The following ZNF442 variants were observed in gnomAD, a reference collection of about 807,000 sequenced individuals.
The protein encoded by ZNF442 is zinc finger protein 442.
In ZNF442, 45 loss-of-function variants were observed where a neutral mutation model predicts 57.0. The ratio of observed to expected loss-of-function variants is 0.79; its 90% CI spans 0.62 to 1.01. ZNF442 has a LOEUF of 1.01. Ranked by LOEUF, ZNF442 falls within the 50% of genes least tolerant of loss-of-function variation. The probability of loss-of-function intolerance (pLI) is 0.00; values close to 1 mark genes in which losing one functional copy is unlikely to be tolerated. For synonymous variants in ZNF442, 213 were observed against 241.8 expected (o/e 0.88, Z 1.10); for missense variants, 690 against 756.5 (o/e 0.91, Z 1.03).
At chr19:12,363,193 T>C (rs1969467635) in intron 3 of ZNF442, among the ~76,000 whole-genome samples, 1 of 148,720 alleles carries the variant, frequency 6.7e-6, no homozygotes, top group East Asian at 2.0e-4. Context: ...AATAGATGGC[T>C]ACATATGTGA....
Position 12,346,127 on chromosome 19 carries a change from T to C in ZNF442, c.*3574A>G, listed in dbSNP as rs1262666495. 6.6e-6 allele frequency: 1 copy of C among 152,070 alleles called. No individual in the cohort carries two copies. Among genetic ancestry groups the C allele is most frequent in the Non-Finnish European group, 1.5e-5 (1 of 68,014 alleles). 9.4% of individuals were successfully genotyped at this position (152,070 alleles called of 1,614,324 possible). A position where few individuals can be genotyped will look rare whatever the true frequency, so the allele number is the denominator to read the frequency against. The stretch of plus-strand genomic sequence containing the variant: ...TATCACATATCAAATAAGGGCTTAA[T>C]ACCCACAGTGTATAAAGAATTCCTA... On this transcript the variant is annotated 3_prime_UTR_variant, in exon 6 of 6. Coordinates refer to ENST00000242804, the MANE Select transcript of ZNF442 (RefSeq NM_030824.3).
intron 3 of ZNF442, among the ~76,000 whole-genome samples, chr19:12,360,383 G>A (rs1159458022): frequency 6.6e-6 from 1 of 152,134 alleles, no homozygotes; most frequent in Non-Finnish European, 1.5e-5. Flanking sequence ...TTCTCCCATG[G>A]CTGGAGTGAT....
In ZNF442 at chr19:12,365,668, G is replaced by T; in HGVS notation, c.-618C>A. On this transcript the variant is annotated 5_prime_UTR_variant, in exon 1 of 6. Transcript: ENST00000242804. ...CAGAGCCAGGAGCGGGAGCTCAGAG[G>T]GGTGTAGAAAGCTCCACCCTCCTCC... 4.5e-6 allele frequency: 1 copy of T among 221,050 alleles called. No homozygotes were observed. The highest frequency in any genetic ancestry group is 9.2e-6 in the Non-Finnish European group (1 of 108,184). The allele number at this position is 221,050 out of a possible 1,614,324, so 13.7% of individuals were successfully genotyped here. A position where few individuals can be genotyped will look rare whatever the true frequency, so the allele number is the denominator to read the frequency against.
intron 4 of ZNF442, among the ~76,000 whole-genome samples, chr19:12,352,760 T>C (rs1300749896): frequency 1.3e-5 from 2 of 152,210 alleles, no homozygotes; most frequent in African/African-American, 4.8e-5. Flanking sequence ...ATGTGTTAAT[T>C]GATTGTTTTT....
At chr19:12,364,356 G>A (rs572362948) in intron 2 of ZNF442, among the ~76,000 whole-genome samples, 7 of 145,854 alleles carry the variant, frequency 4.8e-5, no homozygotes, top group Admixed American at 2.1e-4. Flanking sequence ...GCGGTGAGCC[G>A]ACATCGCACC....
At chr19:12,368,256 C>T (rs778417339), upstream of ZNF442, among the ~76,000 whole-genome samples, 6 of 152,082 alleles carry the variant, frequency 3.9e-5, no homozygotes, top group Admixed American at 6.5e-5. Flanking sequence ...ACATCCTTAG[C>T]TTACGAAGAT....
At chr19:12,359,275 T>C (rs970188372) in intron 3 of ZNF442, among the ~76,000 whole-genome samples, 2 of 152,218 alleles carry the variant, frequency 1.3e-5, no homozygotes, top group Admixed American at 1.3e-4. Context: ...GCTGATAATG[T>C]TGAATTTTAC....
upstream of ZNF442, among the ~76,000 whole-genome samples, chr19:12,366,601 A>G (rs1969533979): frequency 6.6e-6 from 1 of 151,908 alleles, no homozygotes. Flanking sequence ...CCTTTCCCAT[A>G]CTACACTGCC....
the ZNF442 span, among the ~76,000 whole-genome samples, chr19:12,373,228 A>G: frequency 6.6e-6 from 1 of 152,136 alleles, no homozygotes; most frequent in African/African-American, 2.4e-5. Context: ...AAACATAGAC[A>G]GATGCTGCAC....
At chr19:12,363,798 C>T (rs894521414) in intron 2 of ZNF442, 127 bp from the exon 3 acceptor site, 3 of 616,720 alleles carry the variant, frequency 4.9e-6, no homozygotes, top group Admixed American at 5.3e-5. Context: ...ACCCCAACAC[C>T]TCAGGCTGCT....
At chr19:12,366,640 A>AT (rs779161239), upstream of ZNF442, among the ~76,000 whole-genome samples, 4 of 151,600 alleles carry the variant, frequency 2.6e-5, no homozygotes, top group Non-Finnish European at 4.4e-5. Flanking sequence ...TTTTTATTTT[A>AT]TTTTTTTGGA....
upstream of ZNF442, among the ~76,000 whole-genome samples, chr19:12,368,442 G>A (rs191099994): frequency 1.2e-4 from 18 of 152,278 alleles, no homozygotes; most frequent in East Asian, 2.7e-3. Context: ...CCATGAAATC[G>A]TCACAATTTA....
intron 3 of ZNF442, among the ~76,000 whole-genome samples, chr19:12,354,798 T>G (rs1262402144): frequency 6.6e-6 from 1 of 152,232 alleles, no homozygotes; most frequent in African/African-American, 2.4e-5. Flanking sequence ...CTTCATTATT[T>G]TCTTATTAAC....
At chr19:12,373,072 G>A in the ZNF442 span, among the ~76,000 whole-genome samples, 9 of 151,946 alleles carry the variant, frequency 5.9e-5, no homozygotes, top group Non-Finnish European at 1.0e-4. Flanking sequence ...GCACCCAGCC[G>A]GATCTGAGTT....
At position 12,351,229 on chromosome 19, in the gene ZNF442, C is replaced by A. The variant is rs765789723; in HGVS notation, c.356G>T (p.Ser119Ile). 1.9e-6 allele frequency: 3 copies of A among 1,614,174 alleles called. No homozygotes were observed. The South Asian group carries it at 3.3e-5, about 18-fold the overall frequency. ...KPPGVDPCKS[S>I]VCGEIMGCSF... ...ACAACCCATGATTTCTCCACACACA[C>A]TGCTTTTACATGGATCTACTCCAGG... The change falls in exon 6 of 6, where the codon AGT becomes ATT. Residue 119 changes from serine to isoleucine, a missense_variant. Coordinates refer to ENST00000242804, the MANE Select transcript of ZNF442 (RefSeq NM_030824.3).
In ZNF442 at chr19:12,352,079, T is replaced by C; in HGVS notation, c.206-9A>G. On this transcript the variant is annotated splice_polypyrimidine_tract_variant and intron_variant, in intron 4 of 5. Coordinates refer to ENST00000242804, the MANE Select transcript of ZNF442 (RefSeq NM_030824.3). ...GTCTTCCCATTTCATTCCTAAAAGG[T>C]GGACACAGAAAAAACACTGTAGATT... is the stretch of plus-strand genomic sequence containing the variant. 2 of 1,612,114 alleles carry C rather than the reference T, an allele frequency of 1.2e-6. No individual in the cohort carries two copies. The highest frequency in any genetic ancestry group is 1.3e-5 in the African/African-American group (1 of 74,894).
intron 2 of ZNF442, among the ~76,000 whole-genome samples, 199 bp downstream of exon 2, chr19:12,364,603 C>T (rs1969499836): frequency 6.6e-6 from 1 of 151,862 alleles, no homozygotes. Flanking sequence ...TTACTACCAC[C>T]CCTAGGAGGA....
chr19:12,362,001 C>G lies in ZNF442; in HGVS notation c.78+1553G>C, dbSNP rs538526359. ...CCTCCCGAGGTGCAGGGATTGCAGACGGAGTCTCGTTCACTCAGTGCTCAA... is the reference window on the plus strand; with the variant it reads ...CCTCCCGAGGTGCAGGGATTGCAGAGGGAGTCTCGTTCACTCAGTGCTCAA... On this transcript the variant is annotated intron_variant, in intron 3 of 5. Transcript: ENST00000242804. Among the ~76,000 whole-genome samples the G allele has an allele frequency of 2.0e-4, 30 of 152,318 alleles. 1 individual carries two copies. The highest frequency in any genetic ancestry group is 1.7e-3 in the Admixed American group (26 of 15,306).
intron 3 of ZNF442, among the ~76,000 whole-genome samples, chr19:12,355,659 G>A (rs867729844): frequency 1.3e-5 from 2 of 149,796 alleles, no homozygotes; most frequent in African/African-American, 4.9e-5. Context: ...GTGCCTGGCC[G>A]AGGATTTTCT....
Sources: allele counts gnomAD v4.1 joint callset (sites outside exome capture counted in the v4.1 genomes callset), GRCh38; gene constraint gnomAD v4.1.1; transcripts MANE v1.5; gene names NCBI Gene and HGNC (gene_info 2026-07-23, HGNC 2026-07-21).